The following RIMS2 variants were observed in gnomAD, a reference collection of about 807,000 sequenced individuals.
The protein encoded by RIMS2 is regulating synaptic membrane exocytosis protein 2.
A neutral mutation model predicts 174.4 loss-of-function variants in RIMS2; 59 were observed. The ratio of observed to expected loss-of-function variants is 0.34; its 90% CI spans 0.27 to 0.42. The LOEUF is 0.42. Ranked by LOEUF, RIMS2 falls within the 10% of genes least tolerant of loss-of-function variation. The pLI is 1.00. For missense variants in RIMS2, 1,620 were observed against 1,666.3 expected, an observed-to-expected ratio of 0.97 and a Z score of 0.48; for synonymous variants, 606 against 572.5, an observed-to-expected ratio of 1.06 and a Z score of -0.84.
At chr8:103,836,558 C>T (rs544735761) in intron 3 of RIMS2, among the ~76,000 whole-genome samples, 6 of 152,164 alleles carry the variant, frequency 3.9e-5, no homozygotes, top group African/African-American at 1.4e-4. Context: ...AGACTGAGAC[C>T]CCATCTCTAA....
chr8:103,840,826 A>G (rs989908010), intron 3 of RIMS2, among the ~76,000 whole-genome samples: 9 of 152,182 alleles, frequency 5.9e-5, no homozygotes, highest in Admixed American at 6.5e-5. Context: ...GAAAATTTAA[A>G]CCAGGCAGCT....
At chr8:104,053,369 A>G (rs764379531) in intron 19 of RIMS2, among the ~76,000 whole-genome samples, 1 of 152,188 alleles carries the variant, frequency 6.6e-6, no homozygotes. Context: ...TCTAGCTGCA[A>G]TAGGTCCCAC....
chr8:104,162,881 A>C (rs912582586), intron 19 of RIMS2, among the ~76,000 whole-genome samples: 1 of 152,192 alleles, frequency 6.6e-6, no homozygotes, highest in Admixed American at 6.5e-5. Context: ...ACAGAAATGC[A>C]ATTTTAAGGC....
intron 19 of RIMS2, among the ~76,000 whole-genome samples, chr8:104,197,344 T>A (rs2099030048): frequency 6.6e-6 from 1 of 151,882 alleles, no homozygotes; most frequent in South Asian, 2.1e-4. Flanking sequence ...CCTGGCTAAT[T>A]TTTTGTATTT....
intron 3 of RIMS2, among the ~76,000 whole-genome samples, chr8:103,876,918 A>C (rs1331726376): frequency 8.0e-6 from 1 of 124,996 alleles, no homozygotes; most frequent in Non-Finnish European, 1.7e-5. Context: ...ATACACACAC[A>C]CCCCCATATA....
chr8:103,763,960 C>G (rs2098139510), intron 2 of RIMS2, among the ~76,000 whole-genome samples: 1 of 152,150 alleles, frequency 6.6e-6, no homozygotes, highest in Non-Finnish European at 1.5e-5. Flanking sequence ...CGGTGGTTCT[C>G]AAATGTTAGC....
intron 1 of RIMS2, among the ~76,000 whole-genome samples, chr8:103,597,049 G>A (rs568218435): frequency 6.6e-6 from 1 of 152,122 alleles, no homozygotes; most frequent in Non-Finnish European, 1.5e-5. Context: ...GGATAACAAT[G>A]TGGTAGAAAT....
intron 19 of RIMS2, among the ~76,000 whole-genome samples, chr8:104,034,611 A>C (rs1201624690): frequency 6.6e-6 from 1 of 151,642 alleles, no homozygotes; most frequent in East Asian, 1.9e-4. Flanking sequence ...CTGGGATTAT[A>C]GGCACCCGCC....
At chr8:103,861,109 T>G (rs184724058) in intron 3 of RIMS2, among the ~76,000 whole-genome samples, 18 of 151,998 alleles carry the variant, frequency 1.2e-4, no homozygotes, top group Non-Finnish European at 2.1e-4. Flanking sequence ...AATAAGTAAT[T>G]TTCAGGCCTC....
chr8:103,500,656 G>T, upstream of RIMS2: 5 of 465,230 alleles, frequency 1.1e-5, no homozygotes, highest in Non-Finnish European at 1.9e-5. Flanking sequence ...CTTCGCCCCC[G>T]GGAAGAAGAA....
chr8:103,733,309 CAA>C (rs1175937552), intron 2 of RIMS2, among the ~76,000 whole-genome samples: 1 of 152,000 alleles, frequency 6.6e-6, no homozygotes, highest in Non-Finnish European at 1.5e-5. Flanking sequence ...TGTTGCAAGA[CAA>C]ATCCTTTTTA....
chr8:103,665,459 G>A (rs2096657119), intron 1 of RIMS2, among the ~76,000 whole-genome samples: 1 of 152,176 alleles, frequency 6.6e-6, no homozygotes, highest in Admixed American at 6.5e-5. Flanking sequence ...GTGACTTCTG[G>A]CATCAAGTCT....
intron 1 of RIMS2, among the ~76,000 whole-genome samples, chr8:103,577,272 C>T (rs1049643464): frequency 6.6e-6 from 1 of 152,148 alleles, no homozygotes; most frequent in Non-Finnish European, 1.5e-5. Context: ...AGGATATGAA[C>T]AGACACTTCT....
At chr8:104,007,237 T>C (rs910063052) in intron 17 of RIMS2, among the ~76,000 whole-genome samples, 1 of 152,190 alleles carries the variant, frequency 6.6e-6, no homozygotes, top group Non-Finnish European at 1.5e-5. Context: ...ATGTTTATCA[T>C]TCATACCTTC....
At chr8:103,556,923 G>A (rs16870524) in intron 1 of RIMS2, among the ~76,000 whole-genome samples, 9,079 of 152,060 alleles carry the variant, frequency 0.06, 907 homozygotes, top group African/African-American at 0.2. Flanking sequence ...ATGGATCATG[G>A]CGGGGACCTA....
chr8:104,161,519 G>A (rs1023427871), intron 19 of RIMS2, among the ~76,000 whole-genome samples: 3 of 152,250 alleles, frequency 2.0e-5, no homozygotes, highest in Admixed American at 6.5e-5. Context: ...TCATGACAAC[G>A]TAAATTAGAA....
chr8:104,138,065 C>T (rs188005207), intron 19 of RIMS2, among the ~76,000 whole-genome samples: 1 of 152,210 alleles, frequency 6.6e-6, no homozygotes, highest in Non-Finnish European at 1.5e-5. Flanking sequence ...TGTGGCTGGC[C>T]TATTTCACTT....
At chr8:103,691,865 A>G (rs2097030111) in intron 1 of RIMS2, among the ~76,000 whole-genome samples, 1 of 152,096 alleles carries the variant, frequency 6.6e-6, no homozygotes, top group African/African-American at 2.4e-5. Context: ...GGACTTGGGT[A>G]TTGTGATGTA....
chr8:104,148,662 A>G (rs768455923), intron 19 of RIMS2: 2 of 1,598,320 alleles, frequency 1.3e-6, no homozygotes, highest in Non-Finnish European at 1.7e-6. Context: ...GAAGAACATG[A>G]CAAAAAGCAC....
Sources: gnomAD v4.1 joint callset for allele counts (sites outside exome capture counted in the v4.1 genomes callset) on GRCh38, gnomAD v4.1.1 for gene constraint, MANE v1.5 for transcripts, NCBI Gene and HGNC (gene_info 2026-07-23, HGNC 2026-07-21) for gene names.